Variants in PPARG observed in about 807,000 individuals in gnomAD.
PPARG encodes the protein peroxisome proliferator-activated receptor gamma.
Under a neutral mutation model 39.2 loss-of-function variants are expected in PPARG, and 17 were observed. The observed-to-expected ratio is 0.43, with a 90% CI of 0.30 to 0.65. The LOEUF is 0.65. Among genes scored for constraint, PPARG ranks in the 30% least tolerant of loss-of-function variants. The pLI is 0.13. For missense variants in PPARG, 406 were observed against 585.9 expected (o/e 0.69, Z 3.17); for synonymous variants, 223 against 215.7 (o/e 1.03, Z -0.30).
rs867686937 is a variant in PPARG, at chr3:12,406,728, C to T, written c.729+647C>T. 2.2e-4 allele frequency: 33 copies of T among 152,630 alleles called. 1 individual carries two copies. The highest frequency in any genetic ancestry group is 3.2e-3 in the Middle Eastern group (1 of 316). 9.5% of individuals were successfully genotyped at this position (152,630 alleles called of 1,614,324 possible). ...CTAATCTTTGTATTTTTAGTAGAGA[C>T]GGGGTTTCACCTTGTTGATCAGGCT... On this transcript the variant is annotated intron_variant, in intron 6 of 7. Transcript: ENST00000651735.
chr3:12,376,394 G>T (rs1403863800), intron 2 of PPARG, among the ~76,000 whole-genome samples: 1 of 151,818 alleles, frequency 6.6e-6, no homozygotes, highest in Non-Finnish European at 1.5e-5. Flanking sequence ...AAATAAAATT[G>T]CTCCAAAAAA....
At chr3:12,306,492 A>T (rs1257773206) in intron 1 of PPARG, among the ~76,000 whole-genome samples, 1 of 152,136 alleles carries the variant, frequency 6.6e-6, no homozygotes, top group East Asian at 1.9e-4. Context: ...GAACCCAGAC[A>T]ATCTGAACCC....
At chr3:12,292,382 C>A (rs2124923591) in intron 1 of PPARG, among the ~76,000 whole-genome samples, 1 of 152,176 alleles carries the variant, frequency 6.6e-6, no homozygotes, top group Non-Finnish European at 1.5e-5. Flanking sequence ...CGTATATTCC[C>A]CAGGAGCAAG....
chr3:12,419,587 G>A (rs1237024133), intron 7 of PPARG, among the ~76,000 whole-genome samples: 1 of 151,934 alleles, frequency 6.6e-6, no homozygotes, highest in East Asian at 1.9e-4. Flanking sequence ...TCCTGCCTCA[G>A]CCTCCCTAGT....
chr3:12,293,539 C>T (rs940273717), intron 1 of PPARG, among the ~76,000 whole-genome samples: 3 of 152,126 alleles, frequency 2.0e-5, no homozygotes, highest in African/African-American at 7.2e-5. Flanking sequence ...GGGAAATACC[C>T]TGAGTAGGAA....
At chr3:12,433,039 T>C (rs2051713313) in intron 7 of PPARG, among the ~76,000 whole-genome samples, 1 of 152,332 alleles carries the variant, frequency 6.6e-6, no homozygotes, top group Non-Finnish European at 1.5e-5. Flanking sequence ...AAAAGAAACC[T>C]CTGTTAAAAT....
chr3:12,430,929 G>A (rs953519284), intron 7 of PPARG, among the ~76,000 whole-genome samples: 3 of 152,122 alleles, frequency 2.0e-5, no homozygotes, highest in Non-Finnish European at 4.4e-5. Context: ...AGATTAATAT[G>A]GCTTAACATG....
chr3:12,303,696 A>G (rs955953793), intron 1 of PPARG, among the ~76,000 whole-genome samples: 1 of 152,228 alleles, frequency 6.6e-6, no homozygotes, highest in African/African-American at 2.4e-5. Flanking sequence ...GCATTCTAAT[A>G]ACTACAGCTG....
chr3:12,432,258 A>G (rs1364520275), intron 7 of PPARG, among the ~76,000 whole-genome samples: 3 of 152,206 alleles, frequency 2.0e-5, no homozygotes, highest in African/African-American at 7.2e-5. Context: ...GGCCCCCAAA[A>G]TAACTCTAAA....
intron 2 of PPARG, among the ~76,000 whole-genome samples, chr3:12,347,776 G>A (rs2048369775): frequency 6.6e-6 from 1 of 152,152 alleles, no homozygotes; most frequent in Non-Finnish European, 1.5e-5. Context: ...TGATACATGT[G>A]ATATGGATGT....
At chr3:12,356,258 A>T (rs2125105661) in intron 2 of PPARG, among the ~76,000 whole-genome samples, 1 of 152,054 alleles carries the variant, frequency 6.6e-6, no homozygotes, top group East Asian at 1.9e-4. Context: ...TTGTTTTGGT[A>T]AAAGCAGTTT....
At chr3:12,429,613 G>A (rs146967160) in intron 7 of PPARG, among the ~76,000 whole-genome samples, 3 of 151,700 alleles carry the variant, frequency 2.0e-5, no homozygotes, top group Non-Finnish European at 2.9e-5. Flanking sequence ...AAAGGCTCCG[G>A]GAGCCAGTGT....
At chr3:12,412,664 A>G (rs2050916222) in intron 6 of PPARG, among the ~76,000 whole-genome samples, 1 of 152,144 alleles carries the variant, frequency 6.6e-6, no homozygotes, top group African/African-American at 2.4e-5. Flanking sequence ...TGACAGATTC[A>G]CCATGAAGCT....
At chr3:12,298,324 A>AAAAGAAAG (rs2046845816) in intron 1 of PPARG, among the ~76,000 whole-genome samples, 13 of 134,642 alleles carry the variant, frequency 9.7e-5, no homozygotes, top group Non-Finnish European at 2.1e-4. Context: ...AAAAAAAAAA[A>AAAAGAAAG]AAAGAAATGT....
chr3:12,296,617 C>G (rs2046793643), intron 1 of PPARG, among the ~76,000 whole-genome samples: 1 of 152,144 alleles, frequency 6.6e-6, no homozygotes, highest in South Asian at 2.1e-4. Context: ...CCCCCATTGA[C>G]CTATCATTTA....
At position 12,334,539 on chromosome 3, in the gene PPARG, G is replaced by C. The variant is rs182721005; in HGVS notation, c.-9+22086G>C. Among the ~76,000 whole-genome samples the C allele has an allele frequency of 4.1e-3, 626 of 151,982 alleles. 8 individuals carry two copies. The highest frequency in any genetic ancestry group is 5.6e-3 in the Non-Finnish European group (380 of 67,916). Reference sequence around the variant, plus strand: ...GAAGCCACCGTGCCTGGCTGACTTGGGTTAAATTTTTAAGTTTAGAGTTTA... The same window carrying C: ...GAAGCCACCGTGCCTGGCTGACTTGCGTTAAATTTTTAAGTTTAGAGTTTA... On this transcript the variant is annotated intron_variant, in intron 2 of 7. Transcript: ENST00000651735.
At chr3:12,316,403 A>G (rs1360220960) in intron 2 of PPARG, among the ~76,000 whole-genome samples, 1 of 152,164 alleles carries the variant, frequency 6.6e-6, no homozygotes, top group Admixed American at 6.5e-5. Context: ...TCGTAGAGAC[A>G]GAAAGTGGAA....
intron 2 of PPARG, among the ~76,000 whole-genome samples, chr3:12,357,033 T>C (rs1054156905): frequency 3.3e-5 from 5 of 152,156 alleles, no homozygotes; most frequent in African/African-American, 4.8e-5. Flanking sequence ...TTCTGCCGCT[T>C]CCACTGCCTT....
intron 2 of PPARG, among the ~76,000 whole-genome samples, chr3:12,354,753 CAAAAAAAAAAAAAAA>C: frequency 8.6e-6 from 1 of 116,202 alleles, no homozygotes; most frequent in African/African-American, 3.3e-5. Context: ...GACTCCATCT[CAAAAAAAAAAAAAAA>C]AAAGAAAAGA....
Sources: gnomAD v4.1 joint callset for allele counts (sites outside exome capture counted in the v4.1 genomes callset) on GRCh38, gnomAD v4.1.1 for gene constraint, MANE v1.5 for transcripts, NCBI Gene and HGNC (gene_info 2026-07-23, HGNC 2026-07-21) for gene names.